Variants in PATJ observed in about 807,000 individuals in gnomAD.
PATJ encodes the protein PATJ crumbs cell polarity complex component, also known as inaD-like protein.
A neutral mutation model predicts 224.9 loss-of-function variants in PATJ; 190 were observed. That is an observed-to-expected ratio of 0.84 (90% CI 0.75 to 0.95). The LOEUF (loss-of-function observed/expected upper bound fraction) is 0.95. PATJ is among the 40% of genes least tolerant of loss of function. The pLI, the probability that PATJ is intolerant of heterozygous loss-of-function variation, is 0.00. For missense variants in PATJ, 2,121 were observed against 2,270.3 expected (o/e 0.93, Z 1.34); for synonymous variants, 769 against 820.3 (o/e 0.94, Z 1.07).
intron 33 of PATJ, among the ~76,000 whole-genome samples, chr1:62,106,158 G>GTATATGTATATATATATATA (rs1662999540): frequency 2.1e-5 from 1 of 48,062 alleles, no homozygotes; most frequent in African/African-American, 7.1e-5. Context: ...GTGTGTGTGT[G>GTATATGTATATATATATATA]TATATATATA....
At chr1:62,113,998 A>C in intron 34 of PATJ, 55 bp from the exon 35 acceptor site, 1 of 1,512,660 alleles carries the variant, frequency 6.6e-7, no homozygotes, top group East Asian at 2.3e-5. Flanking sequence ...CAGCAGACAG[A>C]GAAGGCAGAG....
At chr1:61,873,366 C>T (rs55650358) in intron 20 of PATJ, among the ~76,000 whole-genome samples, 11,328 of 151,816 alleles carry the variant, frequency 0.075, 496 homozygotes, top group South Asian at 0.15. Flanking sequence ...GATGGGGTTT[C>T]GCCATATTGA....
At position 61,881,156 on chromosome 1, in the gene PATJ, C is replaced by T. The variant is rs972056546; in HGVS notation, c.2960-3081C>T. Among the ~76,000 whole-genome samples, 4 of 152,102 alleles carry T rather than the reference C, an allele frequency of 2.6e-5. No individual in the cohort carries two copies. In the South Asian group the frequency reaches 8.3e-4, roughly 31 times the overall value. On this transcript the variant is annotated intron_variant, in intron 21 of 43. Transcript: ENST00000642238. ...GTGCAATGCATTGGGAAACCTAAGG[C>T]ACTATTTGTTGTTCTCTATTTTCTA...
chr1:62,014,315 C>T (rs909362457), intron 28 of PATJ, among the ~76,000 whole-genome samples: 7 of 152,158 alleles, frequency 4.6e-5, no homozygotes, highest in Admixed American at 2.0e-4. Flanking sequence ...CTCAGCCTCC[C>T]AAAGCTCTGG....
intron 27 of PATJ, among the ~76,000 whole-genome samples, chr1:61,936,036 A>G (rs767629355): frequency 1.3e-5 from 2 of 152,106 alleles, no homozygotes; most frequent in Non-Finnish European, 2.9e-5. Context: ...TATAATTCAC[A>G]TACCATATAA....
intron 26 of PATJ, among the ~76,000 whole-genome samples, chr1:61,921,977 T>C (rs1674401586): frequency 6.6e-6 from 1 of 152,208 alleles, no homozygotes; most frequent in East Asian, 1.9e-4. Flanking sequence ...CCTGCTGTCT[T>C]GCAGCTTGCA....
At chr1:62,159,582 C>T (rs1435103277) in intron 43 of PATJ, among the ~76,000 whole-genome samples, 6 of 139,802 alleles carry the variant, frequency 4.3e-5, no homozygotes, top group Admixed American at 2.2e-4. Flanking sequence ...TTTCCTGAGA[C>T]AGAGCTCACT....
chr1:62,093,525 A>G lies in PATJ; in HGVS notation c.4377+8877A>G, dbSNP rs192834986. Among the ~76,000 whole-genome samples, 15 of 152,246 alleles carry G rather than the reference A, an allele frequency of 9.9e-5. 1 individual carries two copies. The highest frequency in any genetic ancestry group is 3.6e-4 in the African/African-American group (15 of 41,558). The stretch of plus-strand genomic sequence containing the variant: ...CCAAAGCCAAGCTCCTTTTATTGTT[A>G]TTGCTTAAGTCATATATTTTTATAC... On this transcript the variant is annotated intron_variant, in intron 33 of 43. Coordinates refer to ENST00000642238, the MANE Select transcript of PATJ (RefSeq NM_001350145.3).
chr1:61,801,667 G>A lies in PATJ; in HGVS notation c.1447G>A (p.Gly483Arg). ...PLKPPALFLT[G>R]AVETETNVDG... ...GAAACCACCAGCTCTCTTTCTAACT[G>A]GAGCAGTGGAAACTGAAACTAATGT... The change falls in exon 12 of 44, where the codon GGA becomes AGA. Residue 483 changes from glycine to arginine, a missense_variant. By Grantham distance (125) the Gly-to-Arg change is moderately radical. Transcript: ENST00000642238. 6.3e-7 allele frequency: 1 copy of A among 1,599,902 alleles called. No individual in the cohort carries two copies. Among genetic ancestry groups the A allele is most frequent in the South Asian group, 1.1e-5 (1 of 88,946 alleles).
intron 41 of PATJ, among the ~76,000 whole-genome samples, chr1:62,143,438 ATTTTTTTTTTT>A (rs34127211): frequency 1.3e-5 from 1 of 74,310 alleles, no homozygotes; most frequent in Non-Finnish European, 2.3e-5. Context: ...TAAGCTGGGA[ATTTTTTTTTTT>A]TTTTTTTTTT....
At chr1:62,014,183 G>GA (rs912685251) in intron 28 of PATJ, among the ~76,000 whole-genome samples, 1 of 152,020 alleles carries the variant, frequency 6.6e-6, no homozygotes, top group Non-Finnish European at 1.5e-5. Flanking sequence ...AGCTTCCTCT[G>GA]AGTAGCTGGA....
rs547196670 is a variant in PATJ at position 62,030,175 on chromosome 1, T to G, written c.3960-7802T>G. Among the ~76,000 whole-genome samples, 103 of 152,338 alleles carry G rather than the reference T, an allele frequency of 6.8e-4. No homozygotes were observed. The South Asian group carries it at 0.021, about 30-fold the overall frequency. ...TAAACCATTAGACTCAGCGGTGTTT[T>G]AAATTTTTTGGTTGATGGCTGAATG... On this transcript the variant is annotated intron_variant, in intron 29 of 43. Transcript: ENST00000642238.
At chr1:61,862,094 C>T (rs1023432905) in intron 19 of PATJ, among the ~76,000 whole-genome samples, 2 of 152,216 alleles carry the variant, frequency 1.3e-5, no homozygotes, top group Admixed American at 1.3e-4. Flanking sequence ...AACCCCTGAG[C>T]TCAAGCAATC....
In PATJ at chr1:62,128,892, C is replaced by G. The variant is rs1665992052; in HGVS notation, c.5218C>G (p.His1740Asp). 1 of 1,613,618 alleles carries G rather than the reference C, an allele frequency of 6.2e-7. No homozygotes were observed. Among genetic ancestry groups the G allele is most frequent in the Non-Finnish European group, 8.5e-7 (1 of 1,179,678 alleles). Residue 1740 changes from histidine to aspartate, a missense_variant, in exon 41 of 44, where the codon CAC becomes GAC. By Grantham distance (81) the His-to-Asp change is moderately conservative (BLOSUM62 -1). Coordinates refer to ENST00000642238, the MANE Select transcript of PATJ (RefSeq NM_001350145.3). ...CGGGCAACCTTTGGATGGGCTGTCT[C>G]ACGCGGATGTGGTTAATCTGCTGAA... The part of the protein sequence containing the change: ...INGQPLDGLS[H>D]ADVVNLLKNA...
intron 26 of PATJ, among the ~76,000 whole-genome samples, chr1:61,915,997 T>C (rs1177357912): frequency 6.6e-6 from 1 of 152,188 alleles, no homozygotes. Context: ...GCCTGGCCTA[T>C]AATTTTCTTT....
chr1:61,908,002 A>G (rs1009357455), intron 24 of PATJ, among the ~76,000 whole-genome samples: 1 of 152,216 alleles, frequency 6.6e-6, no homozygotes, highest in Non-Finnish European at 1.5e-5. Context: ...AGAGATGATA[A>G]AAGTCCATAG....
chr1:61,745,973 T>C (rs1228644919), intron 1 of PATJ, among the ~76,000 whole-genome samples: 1 of 152,076 alleles, frequency 6.6e-6, no homozygotes, highest in African/African-American at 2.4e-5. Context: ...AGCCTTACTC[T>C]GTTGCCCAGG....
chr1:62,101,892 A>G (rs758436207), intron 33 of PATJ, among the ~76,000 whole-genome samples: 26 of 152,192 alleles, frequency 1.7e-4, no homozygotes, highest in Non-Finnish European at 2.8e-4. Flanking sequence ...ATTTTAAAGT[A>G]TCCAGGCTGG....
At chr1:61,744,315 GATTAT>G (rs1570179114) in intron 1 of PATJ, among the ~76,000 whole-genome samples, 1 of 114,204 alleles carries the variant, frequency 8.8e-6, no homozygotes, top group Non-Finnish European at 1.9e-5. Context: ...AAGGAAAAAA[GATTAT>G]CTTATCTTAT....
Sources: allele counts gnomAD v4.1 joint callset (sites outside exome capture counted in the v4.1 genomes callset), GRCh38; gene constraint gnomAD v4.1.1; transcripts MANE v1.5; gene names NCBI Gene and HGNC (gene_info 2026-07-23, HGNC 2026-07-21).